Variants in EVL observed in about 807,000 individuals in gnomAD.
EVL encodes the protein Enah/Vasp-like.
EVL carries 21 observed loss-of-function variants against 59.6 expected under a neutral mutation model. That is an observed-to-expected ratio of 0.35 (90% confidence interval 0.25 to 0.51). EVL has a LOEUF of 0.51. EVL is among the 20% of genes least tolerant of loss of function. The pLI is 0.97. For missense variants in EVL, 462 were observed against 546.6 expected, an observed-to-expected ratio of 0.85 and a Z score of 1.54; for synonymous variants, 198 against 203.5, an observed-to-expected ratio of 0.97 and a Z score of 0.23.
In EVL at chr14:100,097,543, C is replaced by A. The variant is rs142171070; in HGVS notation, c.243C>A (p.His81Gln). Reference protein sequence around the residue: ...LKYNQATPTFHQWRDARQVYG... With the variant: ...LKYNQATPTFQQWRDARQVYG... ...ACAATCAGGCCACGCCAACCTTCCA[C>A]CAGTGGCGAGATGCCCGCCAGGTCT... Residue 81 changes from histidine (H) to glutamine (Q), a missense_variant, in exon 3 of 14, where the codon CAC becomes CAA. His to Gln is a conservative substitution (Grantham distance 24). Transcript: ENST00000392920. 6.2e-7 allele frequency: 1 copy of A among 1,614,204 alleles called. No homozygotes were observed. Among genetic ancestry groups the A allele is most frequent in the Non-Finnish European group, 8.5e-7 (1 of 1,180,022 alleles).
intron 1 of EVL, among the ~76,000 whole-genome samples, chr14:100,041,915 A>G (rs2061473063): frequency 6.6e-6 from 1 of 152,244 alleles, no homozygotes; most frequent in Admixed American, 6.5e-5. Context: ...ATTGGAGAAC[A>G]GAGAATAGTG....
At chr14:100,083,463 TAAAC>T (rs2062359117) in intron 1 of EVL, among the ~76,000 whole-genome samples, 1 of 151,310 alleles carries the variant, frequency 6.6e-6, no homozygotes. Context: ...AAAAAAGAAA[TAAAC>T]GAGTATTGCT....
chr14:100,099,541 A>T (rs1468622313), intron 3 of EVL, among the ~76,000 whole-genome samples: 1 of 152,164 alleles, frequency 6.6e-6, no homozygotes. Context: ...TCTGCTTAGT[A>T]CTTGGAGAGC....
chr14:100,090,816 T>C (rs2062548174), intron 2 of EVL, among the ~76,000 whole-genome samples: 1 of 152,084 alleles, frequency 6.6e-6, no homozygotes, highest in African/African-American at 2.4e-5. Flanking sequence ...ACAAAAACCA[T>C]AGCTGACGTC....
intron 1 of EVL, among the ~76,000 whole-genome samples, chr14:100,009,375 A>G (rs2061002223): frequency 6.6e-6 from 1 of 152,208 alleles, no homozygotes; most frequent in Non-Finnish European, 1.5e-5. Flanking sequence ...GATGCTTGAA[A>G]TTCCCACAGT....
At chr14:100,132,952 G>T (rs1191509956) in intron 8 of EVL, among the ~76,000 whole-genome samples, 173 bp downstream of exon 8, 1 of 152,164 alleles carries the variant, frequency 6.6e-6, no homozygotes, top group Non-Finnish European at 1.5e-5. Flanking sequence ...CGCCACCCTG[G>T]CCCCAGCAGC....
intron 3 of EVL, among the ~76,000 whole-genome samples, chr14:100,102,022 G>T (rs563403005): frequency 6.6e-6 from 1 of 152,188 alleles, no homozygotes; most frequent in Admixed American, 6.5e-5. Flanking sequence ...ATTTTTAGTA[G>T]AGACGAGGTT....
At chr14:99,976,955 G>A (rs1395236542) in intron 1 of EVL, among the ~76,000 whole-genome samples, 6 of 152,090 alleles carry the variant, frequency 3.9e-5, no homozygotes, top group African/African-American at 7.2e-5. Flanking sequence ...TTTTCCCAGC[G>A]TTTCTAGTTC....
At chr14:100,006,033 A>G (rs1369166748) in intron 1 of EVL, among the ~76,000 whole-genome samples, 1 of 146,738 alleles carries the variant, frequency 6.8e-6, no homozygotes, top group Non-Finnish European at 1.5e-5. Flanking sequence ...CACACCGACA[A>G]CACTTTTGTG....
chr14:100,083,039 G>C (rs920040264), intron 1 of EVL, among the ~76,000 whole-genome samples: 2 of 152,310 alleles, frequency 1.3e-5, no homozygotes, highest in Admixed American at 1.3e-4. Flanking sequence ...CCCTCACACA[G>C]CACCTTCCCA....
chr14:100,044,688 C>T (rs1322845318), intron 1 of EVL, among the ~76,000 whole-genome samples: 15 of 152,120 alleles, frequency 9.9e-5, no homozygotes, highest in Admixed American at 8.5e-4. Flanking sequence ...TTGGAGAAGA[C>T]CAAGCCTAAA....
rs137911905 is a variant in EVL at position 100,084,894 on chromosome 14, G to A, written c.180+39G>A. The A allele has an allele frequency of 1.3e-3, 2,094 of 1,605,520 alleles. 3 individuals are homozygous for A. The highest frequency in any genetic ancestry group is 5.4e-3 in the Middle Eastern group (32 of 5,942). On this transcript the variant is annotated intron_variant, in intron 2 of 13. Coordinates refer to ENST00000392920, the MANE Select transcript of EVL (RefSeq NM_016337.3). ...TTACAGATTATACCCGTGAGCCTGC[G>A]CACCACCTCCTCACCGCCCACCCCT...
At chr14:100,103,381 G>C (rs1325656471) in intron 3 of EVL, among the ~76,000 whole-genome samples, 2 of 151,990 alleles carry the variant, frequency 1.3e-5, no homozygotes, top group African/African-American at 2.4e-5. Context: ...TCTCTCCCTG[G>C]AATGTTTTCT....
chr14:100,053,377 T>C (rs191217131), intron 1 of EVL, among the ~76,000 whole-genome samples: 67 of 152,318 alleles, frequency 4.4e-4, no homozygotes, highest in African/African-American at 1.5e-3. Context: ...TCATGGCTAC[T>C]CCTCCCTTAG....
chr14:100,077,402 C>T lies in EVL; in HGVS notation c.12-7285C>T, dbSNP rs2062186044. On this transcript the variant is annotated intron_variant, in intron 1 of 13. Coordinates refer to ENST00000392920, the MANE Select transcript of EVL (RefSeq NM_016337.3). ...TGCTTCCATTCCTTGAAATGGGAAA[C>T]AGTGAAAAGAATACTTTCTCTCTTA... Among the ~76,000 whole-genome samples the T allele has an allele frequency of 1.3e-5, 2 of 152,176 alleles. 1 individual carries two copies. Among genetic ancestry groups the T allele is most frequent in the Admixed American group, 1.3e-4 (2 of 15,268 alleles).
At chr14:100,139,128 C>T (rs56369405) in intron 11 of EVL, 11,798 of 152,360 alleles carry the variant, frequency 0.077, 793 homozygotes, top group East Asian at 0.37. Flanking sequence ...GTGGGCAAAA[C>T]GAGGGCCCTG....
chr14:99,977,196 A>G (rs1006400681), intron 1 of EVL: 10 of 152,226 alleles, frequency 6.6e-5, no homozygotes, highest in Non-Finnish European at 1.5e-4. Flanking sequence ...GAATCAAGAT[A>G]ACTTTAAGAA....
intron 1 of EVL, among the ~76,000 whole-genome samples, chr14:100,020,006 C>T (rs188412467): frequency 1.3e-5 from 2 of 152,296 alleles, no homozygotes; most frequent in Non-Finnish European, 2.9e-5. Flanking sequence ...ACTGTGTGTC[C>T]AGAATGAGTC....
intron 1 of EVL, among the ~76,000 whole-genome samples, chr14:100,054,275 G>A (rs1595102079): frequency 6.6e-6 from 1 of 151,268 alleles, no homozygotes; most frequent in South Asian, 2.1e-4. Context: ...GGATGGTCTC[G>A]ATCTTCTGAC....
Sources: gnomAD v4.1 joint callset for allele counts (sites outside exome capture counted in the v4.1 genomes callset) on GRCh38, gnomAD v4.1.1 for gene constraint, MANE v1.5 for transcripts, NCBI Gene and HGNC (gene_info 2026-07-23, HGNC 2026-07-21) for gene names.